Variants in TFDP2 observed in about 807,000 individuals in gnomAD.
TFDP2 encodes transcription factor Dp-2.
A neutral mutation model predicts 59.3 loss-of-function variants in TFDP2; 17 were observed. That is an observed-to-expected ratio of 0.29 (90% CI 0.20 to 0.43). The LOEUF (loss-of-function observed/expected upper bound fraction) is 0.43, where lower values mean the gene tolerates loss of function less well. TFDP2 is among the 20% of genes least tolerant of loss of function. The pLI is 1.00. For synonymous variants in TFDP2, 180 were observed against 194.7 expected (o/e 0.92, Z 0.63); for missense variants, 391 against 528.8 (o/e 0.74, Z 2.56).
At chr3:141,980,188 A>G (rs1341983973) in intron 6 of TFDP2, among the ~76,000 whole-genome samples, 1 of 150,878 alleles carries the variant, frequency 6.6e-6, no homozygotes. Flanking sequence ...TATAAGTGTG[A>G]GCCACCCTGC....
At chr3:142,127,450 G>T (rs1679916041) in intron 1 of TFDP2, among the ~76,000 whole-genome samples, 1 of 151,562 alleles carries the variant, frequency 6.6e-6, no homozygotes, top group Non-Finnish European at 1.5e-5. Flanking sequence ...GGGATTACAG[G>T]CGTGCACCAC....
At chr3:142,091,493 G>C (rs768611624) in intron 3 of TFDP2, among the ~76,000 whole-genome samples, 1 of 151,964 alleles carries the variant, frequency 6.6e-6, no homozygotes, top group Non-Finnish European at 1.5e-5. Context: ...TTGAACCCGG[G>C]AAGTGGAGGT....
chr3:142,051,802 C>A (rs1397723828), intron 3 of TFDP2, among the ~76,000 whole-genome samples: 1 of 152,080 alleles, frequency 6.6e-6, no homozygotes, highest in Non-Finnish European at 1.5e-5. Context: ...TAAACCTTTC[C>A]TCTCATTCCA....
chr3:142,127,616 G>A (rs1362207287), intron 1 of TFDP2, among the ~76,000 whole-genome samples: 1 of 152,068 alleles, frequency 6.6e-6, no homozygotes, highest in Non-Finnish European at 1.5e-5. Flanking sequence ...GATTACAGAA[G>A]TGAGCCACTG....
intron 3 of TFDP2, among the ~76,000 whole-genome samples, chr3:142,019,851 A>G (rs773429739): frequency 1.4e-4 from 21 of 152,186 alleles, no homozygotes; most frequent in Non-Finnish European, 2.6e-4. Flanking sequence ...TTGATTTTCT[A>G]TTCTGCTCCA....
intron 11 of TFDP2, among the ~76,000 whole-genome samples, chr3:141,953,232 G>T (rs1176364674): frequency 6.6e-6 from 1 of 152,024 alleles, no homozygotes; most frequent in Non-Finnish European, 1.5e-5. Flanking sequence ...AATACGGGAA[G>T]GCAGCTTACG....
At chr3:142,077,115 T>A (rs1408170251) in intron 3 of TFDP2, among the ~76,000 whole-genome samples, 1 of 152,092 alleles carries the variant, frequency 6.6e-6, no homozygotes, top group Non-Finnish European at 1.5e-5. Flanking sequence ...ACTCAGCTGA[T>A]ACCCACAGAG....
chr3:141,983,714 G>A (rs11720601), intron 6 of TFDP2, among the ~76,000 whole-genome samples: 11,297 of 151,144 alleles, frequency 0.075, 527 homozygotes, highest in Non-Finnish European at 0.11. Flanking sequence ...GATGCTCAAC[G>A]TCACTCATCA....
chr3:141,971,297 G>A (rs569826716), intron 8 of TFDP2, among the ~76,000 whole-genome samples: 152 of 150,140 alleles, frequency 1.0e-3, no homozygotes, highest in African/African-American at 3.3e-3. Flanking sequence ...CGAGGTGGGC[G>A]GATCACAAGG....
intron 3 of TFDP2, among the ~76,000 whole-genome samples, chr3:142,079,775 C>T (rs547930449): frequency 6.6e-6 from 1 of 152,254 alleles, no homozygotes; most frequent in Non-Finnish European, 1.5e-5. Context: ...CCTTTTGCCC[C>T]AGAATAGTAT....
chr3:142,116,042 T>C (rs1293964496), intron 1 of TFDP2, among the ~76,000 whole-genome samples: 1 of 151,916 alleles, frequency 6.6e-6, no homozygotes, highest in Non-Finnish European at 1.5e-5. Flanking sequence ...GTAAATGGGA[T>C]TTCTCTGTAT....
chr3:141,991,918 T>C (rs966735472), intron 6 of TFDP2, among the ~76,000 whole-genome samples: 2 of 151,890 alleles, frequency 1.3e-5, no homozygotes, highest in Non-Finnish European at 2.9e-5. Flanking sequence ...GGTGCATGTC[T>C]GTAATCCCAG....
Position 141,993,530 on chromosome 3 carries a change from A to C in TFDP2, c.356+8T>G. ...TCTTCCAAACAAAATAGTTAGACTTATACTCACCTTTCTGAAAAATCAGAG... is the reference window on the plus strand; with the variant it reads ...TCTTCCAAACAAAATAGTTAGACTTCTACTCACCTTTCTGAAAAATCAGAG... On this transcript the variant is annotated splice_region_variant and intron_variant, in intron 6 of 12. Transcript: ENST00000489671. The C allele has an allele frequency of 6.4e-7, 1 of 1,571,914 alleles. No homozygotes were observed. The highest frequency in any genetic ancestry group is 8.7e-7 in the Non-Finnish European group (1 of 1,151,752).
intron 8 of TFDP2, among the ~76,000 whole-genome samples, chr3:141,973,123 A>ATATATATATATATTTTTTTTTT: frequency 1.9e-4 from 11 of 58,010 alleles, no homozygotes; most frequent in Admixed American, 3.6e-4. Context: ...ATATATATAT[A>ATATATATATATATTTTTTTTTT]TTTTTTTTTT....
At position 142,121,962 on chromosome 3, in the gene TFDP2, C is replaced by G. The variant is rs965478732; in HGVS notation, c.-92-20121G>C. ...GTTACAGCCACCTGTCTATTAAGAC[C>G]TCAGAGAACAAGTTCAACCATGCCA... On this transcript the variant is annotated intron_variant, in intron 1 of 12. Coordinates refer to ENST00000489671, the MANE Select transcript of TFDP2 (RefSeq NM_001178139.2). The surrounding 1 kb of genome is among the most constrained non-coding windows in gnomAD (Gnocchi z 4.3). Among the ~76,000 whole-genome samples, 1 of 152,144 alleles carries G rather than the reference C, an allele frequency of 6.6e-6. No individual in the cohort carries two copies. The highest frequency in any genetic ancestry group is 6.5e-5 in the Admixed American group (1 of 15,272).
At chr3:142,133,380 C>T (rs541310783) in intron 1 of TFDP2, among the ~76,000 whole-genome samples, 3 of 149,392 alleles carry the variant, frequency 2.0e-5, no homozygotes, top group Admixed American at 6.6e-5. Flanking sequence ...TCACACCCCG[C>T]TAATATTTTT....
chr3:142,116,301 G>A (rs1209317613), intron 1 of TFDP2, among the ~76,000 whole-genome samples: 2 of 152,186 alleles, frequency 1.3e-5, no homozygotes, highest in Non-Finnish European at 2.9e-5. Flanking sequence ...CTGTCCTCAA[G>A]TGATCCTCCC....
At chr3:142,041,724 G>A (rs1316248794) in intron 3 of TFDP2, among the ~76,000 whole-genome samples, 1 of 152,120 alleles carries the variant, frequency 6.6e-6, no homozygotes, top group African/African-American at 2.4e-5. Context: ...TGCTTTTGGC[G>A]TTGTATCTAA....
intron 6 of TFDP2, among the ~76,000 whole-genome samples, chr3:141,993,077 G>C (rs953708500): frequency 4.6e-5 from 7 of 151,924 alleles, no homozygotes; most frequent in Non-Finnish European, 7.4e-5. Flanking sequence ...GCTCATGCCT[G>C]TAATCCCAGC....
Sources: allele counts gnomAD v4.1 joint callset (sites outside exome capture counted in the v4.1 genomes callset), GRCh38; gene constraint gnomAD v4.1.1; non-coding constraint Gnocchi (gnomAD v3.1); transcripts MANE v1.5; gene names NCBI Gene and HGNC (gene_info 2026-07-23, HGNC 2026-07-21).